The following DPCD variants were observed in gnomAD, a reference collection of about 807,000 sequenced individuals.
DPCD encodes the protein protein DPCD.
A neutral mutation model predicts 26.4 loss-of-function variants in DPCD; 20 were observed. The observed-to-expected ratio is 0.76, with a 90% CI of 0.53 to 1.10. DPCD has a LOEUF of 1.10. DPCD is among the 50% of genes least tolerant of loss of function. DPCD has a pLI of 0.00. For synonymous variants in DPCD, 97 were observed against 94.2 expected (o/e 1.03, Z -0.17); for missense variants, 202 against 253.9 (o/e 0.80, Z 1.39).
At chr10:101,608,101 ATTTTT>A (rs747018005) in intron 4 of DPCD, among the ~76,000 whole-genome samples, 1 of 147,092 alleles carries the variant, frequency 6.8e-6, no homozygotes, top group Non-Finnish European at 1.5e-5. Flanking sequence ...CATCTGTTCT[ATTTTT>A]TTTTTTAATT....
intron 1 of DPCD, 163 bp downstream of exon 1, chr10:101,588,563 C>T: frequency 6.9e-7 from 1 of 1,445,776 alleles, no homozygotes; most frequent in Non-Finnish European, 9.1e-7. Flanking sequence ...ACAGAGATGA[C>T]ATGACTGGAA....
Position 101,588,348 on chromosome 10 carries a change from G to C in DPCD, c.12G>C (p.Thr4=). 3 of 1,599,656 alleles carry C rather than the reference G, an allele frequency of 1.9e-6. No homozygotes were observed. The highest frequency in any genetic ancestry group is 2.6e-6 in the Non-Finnish European group (3 of 1,171,164). ...TTAGCAGGGGAAAGATGGCGGTGACGGGCTGGTTGGAGAGTCTGCGGACAG... is the reference window on the plus strand; with the variant it reads ...TTAGCAGGGGAAAGATGGCGGTGACCGGCTGGTTGGAGAGTCTGCGGACAG... MAV[T]GWLESLRTAQ... is the part of the protein sequence containing the mutation. The change falls in exon 1 of 6, where the codon ACG becomes ACC. Residue 4 remains threonine, a synonymous_variant. Transcript: ENST00000370151.
rs1589722238 is a variant in DPCD at position 101,594,667 on chromosome 10, A to G, written c.74A>G (p.Lys25Arg). 3 of 1,614,162 alleles carry G rather than the reference A, an allele frequency of 1.9e-6. No homozygotes were observed. The East Asian group carries it at 6.7e-5, about 36-fold the overall frequency. Residue 25 changes from lysine to arginine, a missense_variant, in exon 2 of 6, where the codon AAG becomes AGG. Lys to Arg is a conservative substitution (Grantham distance 26). Around this residue, in one of 3 missense-constraint regions of DPCD, gnomAD observed 47 missense variants for 32.8 expected, o/e 1.43. Transcript: ENST00000370151. ...TCTGTTTTGTGCATAGGGAGAAGGA[A>G]GGTTCACTATTTATTCCCAGACGGC... Reference protein sequence around the residue: ...KTALLQDGRRKVHYLFPDGKE... With the variant: ...KTALLQDGRRRVHYLFPDGKE...
intron 4 of DPCD, among the ~76,000 whole-genome samples, chr10:101,601,851 A>G (rs1467996464): frequency 1.3e-5 from 2 of 152,156 alleles, no homozygotes; most frequent in Non-Finnish European, 2.9e-5. Flanking sequence ...CCCCAGACTG[A>G]CAGTGGGGCA....
chr10:101,609,405 G>A lies in DPCD; in HGVS notation c.546G>A (p.Glu182=). The change falls in exon 6 of 6, where the codon GAG becomes GAA. Residue 182 remains glutamate (E), a synonymous_variant. Coordinates refer to ENST00000370151, the MANE Select transcript of DPCD (RefSeq NM_015448.3). ...AGGAGGTTGTGGTGGCCGAGTCTGA[G>A]CTACAGAAGGAACTAAAGAAGGTGA... ...KPKEVVVAES[E]LQKELKKVKT... is the part of the protein sequence containing the mutation. The A allele has an allele frequency of 6.2e-7, 1 of 1,614,170 alleles. No individual in the cohort carries two copies. Among genetic ancestry groups the A allele is most frequent in the East Asian group, 2.2e-5 (1 of 44,880 alleles).
At chr10:101,598,136 A>G (rs560989811) in intron 2 of DPCD, among the ~76,000 whole-genome samples, 1 of 152,220 alleles carries the variant, frequency 6.6e-6, no homozygotes, top group East Asian at 1.9e-4. Context: ...TTTTGGAGTA[A>G]AAGTGCACAG....
chr10:101,588,830 T>C (rs1002722260), intron 1 of DPCD, among the ~76,000 whole-genome samples: 2 of 152,194 alleles, frequency 1.3e-5, no homozygotes, highest in African/African-American at 4.8e-5. Context: ...GTCGGCTCCT[T>C]TACTTGTTTG....
chr10:101,608,772 C>T (rs1589731014), intron 4 of DPCD, 63 bp from the exon 5 acceptor site: 1 of 1,097,322 alleles, frequency 9.1e-7, no homozygotes, highest in South Asian at 1.2e-5. Context: ...CAGCAGAGGG[C>T]CTGACGCCTG....
intron 1 of DPCD, among the ~76,000 whole-genome samples, chr10:101,592,999 C>A (rs927587278): frequency 3.0e-5 from 3 of 100,782 alleles, no homozygotes; most frequent in Non-Finnish European, 7.3e-5. Context: ...GGCGACAGAG[C>A]GAGACTCTGT....
Position 101,594,670 on chromosome 10 carries a change from T to C in DPCD, c.77T>C (p.Val26Ala), listed in dbSNP as rs543248693. 6.2e-7 allele frequency: 1 copy of C among 1,613,864 alleles called. No homozygotes were observed. Among genetic ancestry groups the C allele is most frequent in the South Asian group, 1.1e-5 (1 of 91,076 alleles). Residue 26 changes from valine to alanine, a missense_variant, in exon 2 of 6, where the codon GTT (valine) becomes GCT (alanine). Transcript: ENST00000370151. ...TALLQDGRRK[V>A]HYLFPDGKEM... Reference sequence around the variant, plus strand: ...GTTTTGTGCATAGGGAGAAGGAAGGTTCACTATTTATTCCCAGACGGCAAG... The same window carrying C: ...GTTTTGTGCATAGGGAGAAGGAAGGCTCACTATTTATTCCCAGACGGCAAG...
chr10:101,608,920 T>C lies in DPCD; in HGVS notation c.490T>C (p.Cys164Arg). ...DALLSFAHANCTLIISYQKPK... is the reference protein window; with the variant it reads ...DALLSFAHANRTLIISYQKPK... ...CTTGCTGAGCTTTGCCCACGCCAAC[T>C]GCACCCTGATCATCTCTGTAAGATT... The change falls in exon 5 of 6, where the codon TGC becomes CGC. Residue 164 changes from cysteine (C) to arginine (R), a missense_variant. Physicochemically the swap from Cys to Arg is radical, Grantham distance 180. Transcript: ENST00000370151. 6.2e-7 allele frequency: 1 copy of C among 1,613,208 alleles called. No homozygotes were observed. Among genetic ancestry groups the C allele is most frequent in the South Asian group, 1.1e-5 (1 of 91,072 alleles).
intron 2 of DPCD, among the ~76,000 whole-genome samples, chr10:101,599,196 T>C (rs925993785): frequency 1.3e-5 from 2 of 152,202 alleles, no homozygotes; most frequent in African/African-American, 4.8e-5. Context: ...TCCTATAGTA[T>C]AGAGTAGGGT....
At chr10:101,605,038 T>C (rs1384687958) in intron 4 of DPCD, 1 of 1,506,362 alleles carries the variant, frequency 6.6e-7, no homozygotes, top group Non-Finnish European at 9.0e-7. Context: ...TTAGTATGTG[T>C]GTGTGATTGT....
At chr10:101,608,723 C>T (rs2063749320) in intron 4 of DPCD, 112 bp from the exon 5 acceptor site, 4 of 702,230 alleles carry the variant, frequency 5.7e-6, no homozygotes, top group South Asian at 1.6e-5. Context: ...TCCCTCTCTG[C>T]GTGTGTGGAA....
rs1354100683 is a variant in DPCD, at chr10:101,603,248, T to TTA, written c.404+1913_404+1914dup. Among the ~76,000 whole-genome samples, 2 of 152,200 alleles carry TTA rather than the reference T, an allele frequency of 1.3e-5. No individual in the cohort carries two copies. Among genetic ancestry groups the TTA allele is most frequent in the African/African-American group, 4.8e-5 (2 of 41,450 alleles). On this transcript the variant is annotated intron_variant, in intron 4 of 5. Transcript: ENST00000370151. The surrounding 1 kb of genome is among the most constrained non-coding windows in gnomAD (Gnocchi z 4.6). ...AGGTAACCTAGAGGCCGCTGAACCC[T>TTA]TAGCCAGATCGTTCCCGAACCTAGT...
chr10:101,609,011 A>T, intron 5 of DPCD, 74 bp downstream of exon 5: 1 of 1,245,560 alleles, frequency 8.0e-7, no homozygotes, highest in Non-Finnish European at 1.2e-6. Flanking sequence ...TTCCCATCCC[A>T]TAAGAGTCCT....
chr10:101,609,640 G>A lies in DPCD; in HGVS notation c.*169G>A, dbSNP rs1331079407. ...GTCATGGTCATATTTCCTGAGTAAA[G>A]TCATTCTGAGTTACTTACTGCACAG... On this transcript the variant is annotated 3_prime_UTR_variant, in exon 6 of 6. Coordinates refer to ENST00000370151, the MANE Select transcript of DPCD (RefSeq NM_015448.3). The A allele has an allele frequency of 6.6e-6, 4 of 609,986 alleles. No homozygotes were observed. Among genetic ancestry groups the A allele is most frequent in the Non-Finnish European group, 1.2e-5 (4 of 347,408 alleles). The allele number at this position is 609,986 out of a possible 1,614,324, so 37.8% of individuals were successfully genotyped here.
At chr10:101,594,432 G>T (rs948307573) in intron 1 of DPCD, among the ~76,000 whole-genome samples, 5 of 152,192 alleles carry the variant, frequency 3.3e-5, no homozygotes, top group African/African-American at 1.2e-4. Context: ...GCTGGTAGAG[G>T]AAACAGCAGG....
intron 4 of DPCD, among the ~76,000 whole-genome samples, chr10:101,605,590 C>T (rs1412768156): frequency 6.6e-6 from 1 of 152,146 alleles, no homozygotes; most frequent in Non-Finnish European, 1.5e-5. Flanking sequence ...CCTTTACTTC[C>T]ACATACATCT....
Sources: gnomAD v4.1 joint callset for allele counts (sites outside exome capture counted in the v4.1 genomes callset) on GRCh38, gnomAD v4.1.1 for gene constraint, gnomAD v4.1.1 regional missense constraint, Gnocchi (gnomAD v3.1) non-coding constraint, MANE v1.5 for transcripts, NCBI Gene and HGNC (gene_info 2026-07-23, HGNC 2026-07-21) for gene names.